ASB14: variants seen among roughly 807,000 people sequenced by gnomAD.
ASB14 encodes ankyrin repeat and SOCS box containing 14.
Under a neutral mutation model 55.6 loss-of-function variants are expected in ASB14, and 63 were observed. That is an observed-to-expected ratio of 1.13 (90% CI 0.92 to 1.40). The LOEUF (loss-of-function observed/expected upper bound fraction) is 1.40. Among genes scored for constraint, ASB14 ranks in the 40% most tolerant of loss-of-function variants. The pLI, the probability that ASB14 is intolerant of heterozygous loss-of-function variation, is 0.00. For missense variants in ASB14, 724 were observed against 710.4 expected, an observed-to-expected ratio of 1.02 and a Z score of -0.22; for synonymous variants, 256 against 259.9, an observed-to-expected ratio of 0.98 and a Z score of 0.15.
chr3:57,276,820 A>G (rs550114560), intron 9 of ASB14, 92 bp from the exon 10 acceptor site: 2 of 1,234,188 alleles, frequency 1.6e-6, no homozygotes, highest in Middle Eastern at 1.9e-4. Context: ...ATAGCATTTC[A>G]TTTGCTGTTA....
In ASB14 at chr3:57,279,646, C is replaced by T. The variant is rs528422445; in HGVS notation, c.887+656G>A. ...CCGGGAGGCGGAGGTTGCGGTCAGCCGAGATCATGCCACTGCACTCCAGCC... is the reference window on the plus strand; with the variant it reads ...CCGGGAGGCGGAGGTTGCGGTCAGCTGAGATCATGCCACTGCACTCCAGCC... On this transcript the variant is annotated intron_variant, in intron 7 of 10. Coordinates refer to ENST00000487349, the MANE Select transcript of ASB14 (RefSeq NM_001142733.3). Among the ~76,000 whole-genome samples, 8 of 151,820 alleles carry T rather than the reference C, an allele frequency of 5.3e-5. No individual in the cohort carries two copies. In the South Asian group the frequency reaches 1.0e-3, roughly 20 times the overall value.
rs952200032 is a variant in ASB14, at chr3:57,269,415, A to G, written c.*226T>C. On this transcript the variant is annotated 3_prime_UTR_variant, in exon 11 of 11. Transcript: ENST00000487349. ...TTGGGTGTAGCTTTTCTTTTTATCA[A>G]GTTGTCAGAAGTATGCATACATATT... 5.7e-6 allele frequency: 5 copies of G among 878,620 alleles called. No homozygotes were observed. The highest frequency in any genetic ancestry group is 2.8e-5 in the East Asian group (1 of 35,394). 54.4% of individuals were successfully genotyped at this position (878,620 alleles called of 1,614,324 possible). A position where few individuals can be genotyped will look rare whatever the true frequency, so the allele number is the denominator to read the frequency against.
rs763890337 is a variant in ASB14 at position 57,269,562 on chromosome 3, T to C, written c.*79A>G. 1 of 1,614,084 alleles carries C rather than the reference T, an allele frequency of 6.2e-7. No individual in the cohort carries two copies. The highest frequency in any genetic ancestry group is 8.5e-7 in the Non-Finnish European group (1 of 1,179,986). On this transcript the variant is annotated 3_prime_UTR_variant, in exon 11 of 11. Coordinates refer to ENST00000487349, the MANE Select transcript of ASB14 (RefSeq NM_001142733.3). ...CTAGGACTTGGAAGAACAAAGTCGG[T>C]TGATAGCTGCTTCCAGTAGACCAAA...
chr3:57,287,938 A>G lies in ASB14; in HGVS notation c.432T>C (p.Asn144=). The change falls in exon 5 of 11, where the codon AAT becomes AAC. Residue 144 remains asparagine (N), a synonymous_variant. Transcript: ENST00000487349. ...GAGAATTGCCTTCGAAATTCTTAGC[A>G]TTTGGATTGCAGCCATTGAGAAGAA... The part of the protein sequence containing the change: ...TFLLLNGCNP[N]AKNFEGNSPL... 2.0e-6 allele frequency: 3 copies of G among 1,537,308 alleles called. No homozygotes were observed. Among genetic ancestry groups the G allele is most frequent in the Non-Finnish European group, 1.7e-6 (2 of 1,146,908 alleles).
At chr3:57,284,020 TTTCTGTAAGGAAATG>T (rs1344281615) in intron 5 of ASB14, among the ~76,000 whole-genome samples, 1 of 151,574 alleles carries the variant, frequency 6.6e-6, no homozygotes. Flanking sequence ...GCCCCTTAAG[TTTCTGTAAGGAAATG>T]TAAAGAAAAT....
chr3:57,269,316 A>G lies in ASB14; in HGVS notation c.*325T>C. The G allele has an allele frequency of 2.2e-6, 1 of 449,462 alleles. No individual in the cohort carries two copies. The highest frequency in any genetic ancestry group is 3.9e-6 in the Non-Finnish European group (1 of 254,798). 27.8% of individuals were successfully genotyped at this position (449,462 alleles called of 1,614,324 possible). On this transcript the variant is annotated 3_prime_UTR_variant, in exon 11 of 11. Transcript: ENST00000487349. ...GGTTGTTGGTCATAAAAAAAGAAAG[A>G]TAAAATATTAGATTTTAGTTTGAAT...
chr3:57,283,853 C>G (rs2061057965), intron 5 of ASB14, among the ~76,000 whole-genome samples: 1 of 150,146 alleles, frequency 6.7e-6, no homozygotes, highest in African/African-American at 2.4e-5. Context: ...AAAACAAAAA[C>G]AAAAACAGAA....
Position 57,268,602 on chromosome 3 carries a change from T to G in ASB14, c.*1039A>C. On this transcript the variant is annotated 3_prime_UTR_variant, in exon 11 of 11. Transcript: ENST00000487349. ...GGGCTGTTTCTGCTTGTTCAGCCAC[T>G]TCATAAACAGATGATTCATACCATA... The G allele has an allele frequency of 8.2e-7, 1 of 1,217,444 alleles. No homozygotes were observed. The highest frequency in any genetic ancestry group is 1.1e-6 in the Non-Finnish European group (1 of 907,442). The allele number at this position is 1,217,444 out of a possible 1,614,324, so 75.4% of individuals were successfully genotyped here.
In ASB14 at chr3:57,288,196, G is replaced by A; in HGVS notation, c.269C>T (p.Ala90Val). Residue 90 changes from alanine to valine, a missense_variant, in exon 4 of 11, where the codon GCA becomes GTA. Ala to Val is a moderately conservative substitution (Grantham distance 64). Coordinates refer to ENST00000487349, the MANE Select transcript of ASB14 (RefSeq NM_001142733.3). ...EIGWIPLHKA[A>V]VQLNRKILEI... is the part of the protein sequence containing the mutation. ...CAAAATTTTCCTATTTAATTGCACTGCAGCCTTATGCAGAGGAATCCAGCC... is the reference window on the plus strand; with the variant it reads ...CAAAATTTTCCTATTTAATTGCACTACAGCCTTATGCAGAGGAATCCAGCC... 1.3e-6 allele frequency: 2 copies of A among 1,536,840 alleles called. No homozygotes were observed. Among genetic ancestry groups the A allele is most frequent in the Non-Finnish European group, 1.7e-6 (2 of 1,146,492 alleles).
intron 6 of ASB14, 48 bp downstream of exon 6, chr3:57,283,146 G>C: frequency 6.5e-7 from 1 of 1,543,682 alleles, no homozygotes; most frequent in Non-Finnish European, 8.8e-7. Context: ...GAGAACCCCT[G>C]GATCATGTTA....
At position 57,268,976 on chromosome 3, in the gene ASB14, GA is replaced by G. The variant is rs2060915334; in HGVS notation, c.*664del. On this transcript the variant is annotated 3_prime_UTR_variant, in exon 11 of 11. Coordinates refer to ENST00000487349, the MANE Select transcript of ASB14 (RefSeq NM_001142733.3). ...CATTAAATGATCCATGAAATTGTAA[GA>G]GCGTGTTATGGGTTGTAGATTGACA... 1 of 152,984 alleles carries G rather than the reference GA, an allele frequency of 6.5e-6. No homozygotes were observed. The highest frequency in any genetic ancestry group is 1.5e-5 in the Non-Finnish European group (1 of 68,660). The allele number at this position is 152,984 out of a possible 1,614,324, so 9.5% of individuals were successfully genotyped here. A position where few individuals can be genotyped will look rare whatever the true frequency, so the allele number is the denominator to read the frequency against.
intron 10 of ASB14, among the ~76,000 whole-genome samples, chr3:57,273,951 A>T (rs1032386045): frequency 3.9e-5 from 6 of 152,180 alleles, no homozygotes; most frequent in African/African-American, 1.4e-4. Context: ...AATTAACTTT[A>T]GAATTATATA....
At chr3:57,279,502 C>T (rs1189544480) in intron 7 of ASB14, among the ~76,000 whole-genome samples, 1 of 151,856 alleles carries the variant, frequency 6.6e-6, no homozygotes, top group Non-Finnish European at 1.5e-5. Flanking sequence ...AGATTGAGAC[C>T]ATCCTGGCCA....
chr3:57,280,305 A>G lies in ASB14; in HGVS notation c.884T>C (p.Leu295Ser). Residue 295 changes from leucine to serine, a missense_variant, in exon 7 of 11, where the codon TTA (leucine) becomes TCA (serine). Coordinates refer to ENST00000487349, the MANE Select transcript of ASB14 (RefSeq NM_001142733.3). ...TAATAATGTAATTGAACTTAACAGT[A>G]AGTGGCCCCTGTCAGCTGCCACATG... ...PIHVAADRGH[L>S]LALKILIPVT... is the part of the protein sequence containing the mutation. 1 of 1,545,792 alleles carries G rather than the reference A, an allele frequency of 6.5e-7. No individual in the cohort carries two copies. Among genetic ancestry groups the G allele is most frequent in the South Asian group, 1.2e-5 (1 of 83,232 alleles).
chr3:57,274,092 A>G (rs1476840793), intron 10 of ASB14, among the ~76,000 whole-genome samples: 1 of 152,232 alleles, frequency 6.6e-6, no homozygotes, highest in Non-Finnish European at 1.5e-5. Flanking sequence ...TTAATGTAAA[A>G]AAACTATAAA....
At position 57,276,730 on chromosome 3, in the gene ASB14, TAAAA is replaced by T. The variant is rs2060991269; in HGVS notation, c.1586-6_1586-3del. The stretch of plus-strand genomic sequence containing the variant: ...AATGTTTTAGGGAGCGAGGGTTTGC[TAAAA>T]AGAAAAGGCACATTATCCAAAGAGA... On this transcript the variant is annotated splice_region_variant and splice_polypyrimidine_tract_variant and intron_variant, in intron 9 of 10. Transcript: ENST00000487349. 3 of 1,603,712 alleles carry T rather than the reference TAAAA, an allele frequency of 1.9e-6. No individual in the cohort carries two copies. The highest frequency in any genetic ancestry group is 2.5e-6 in the Non-Finnish European group (3 of 1,176,530).
At chr3:57,283,491 GT>G in intron 5 of ASB14, 52 bp from the exon 6 acceptor site, 3 of 1,502,810 alleles carry the variant, frequency 2.0e-6, no homozygotes, top group Admixed American at 2.0e-5. Flanking sequence ...TAAGCCCAAA[GT>G]AGCATATCTG....
chr3:57,271,288 T>C (rs1335332231), intron 10 of ASB14: 1 of 152,644 alleles, frequency 6.6e-6, no homozygotes, highest in Non-Finnish European at 1.5e-5. Flanking sequence ...ATGATATTCC[T>C]TCTATCCATG....
Position 57,276,699 on chromosome 3 carries a change from G to T in ASB14, c.1615C>A (p.Arg539Ser). The part of the protein sequence containing the change: ...TNPRSLKHLC[R>S]LKIRKCMGRL... ...CCCATGCATTTCCGGATCTTTAGGC[G>T]GCACAAATGTTTTAGGGAGCGAGGG... Residue 539 changes from arginine (R) to serine (S), a missense_variant, in exon 10 of 11, where the codon CGC becomes AGC. By Grantham distance (110) the Arg-to-Ser change is moderately radical (BLOSUM62 -1). Coordinates refer to ENST00000487349, the MANE Select transcript of ASB14 (RefSeq NM_001142733.3). 1 of 1,613,504 alleles carries T rather than the reference G, an allele frequency of 6.2e-7. No homozygotes were observed. Among genetic ancestry groups the T allele is most frequent in the Non-Finnish European group, 8.5e-7 (1 of 1,179,768 alleles).
Sources: allele counts gnomAD v4.1 joint callset (sites outside exome capture counted in the v4.1 genomes callset), GRCh38; gene constraint gnomAD v4.1.1; transcripts MANE v1.5; gene names NCBI Gene and HGNC (gene_info 2026-07-23, HGNC 2026-07-21).